PCDH7: variants seen among roughly 807,000 people sequenced by gnomAD.
The protein encoded by PCDH7 is protocadherin 7.
Under a neutral mutation model 58.9 loss-of-function variants are expected in PCDH7, and 17 were observed. That is an observed-to-expected ratio of 0.29 (90% CI 0.20 to 0.43). PCDH7 has a LOEUF of 0.43. Ranked by LOEUF, PCDH7 falls within the 20% of genes least tolerant of loss-of-function variation. PCDH7 has a pLI of 1.00. For synonymous variants in PCDH7, 664 were observed against 616.4 expected (o/e 1.08, Z -1.14); for missense variants, 1,274 against 1,441.0 (o/e 0.88, Z 1.88).
rs183423845 is a variant in PCDH7 at position 30,984,993 on chromosome 4, G to T, written c.*7+34778G>T. On this transcript the variant is annotated intron_variant, in intron 3 of 3. Transcript: ENST00000509759. ...TGTTGTTGTTGTTGTTTTGGACAGA[G>T]TCTTGCTCCGTCGCCCAGACTGGAG... Among the ~76,000 whole-genome samples, 79 of 152,220 alleles carry T rather than the reference G, an allele frequency of 5.2e-4. 1 individual carries two copies. The highest frequency in any genetic ancestry group is 2.1e-3 in the South Asian group (10 of 4,818).
At chr4:31,056,505 G>GAAAGAAAGAA (rs1229121564) in intron 3 of PCDH7, among the ~76,000 whole-genome samples, 1 of 115,120 alleles carries the variant, frequency 8.7e-6, no homozygotes, top group Non-Finnish European at 1.8e-5. Flanking sequence ...AAGAAAGAAA[G>GAAAGAAAGAA]AAAGAAAGAA....
intron 1 of PCDH7, among the ~76,000 whole-genome samples, chr4:30,772,439 A>G (rs1721538443): frequency 6.6e-6 from 1 of 152,136 alleles, no homozygotes; most frequent in African/African-American, 2.4e-5. Flanking sequence ...TTTCTTTTCT[A>G]GAGGTAAAGC....
chr4:30,969,039 C>G (rs932785864), intron 3 of PCDH7, among the ~76,000 whole-genome samples: 1 of 152,122 alleles, frequency 6.6e-6, no homozygotes, highest in African/African-American at 2.4e-5. Context: ...TACTCTCGGT[C>G]AGAGAATATT....
intron 1 of PCDH7, among the ~76,000 whole-genome samples, chr4:30,747,837 A>G (rs1717972495): frequency 6.6e-6 from 1 of 152,210 alleles, no homozygotes; most frequent in Admixed American, 6.5e-5. Flanking sequence ...GACATTCCCA[A>G]AATTTGATAA....
chr4:31,101,331 A>G (rs1714865210), intron 3 of PCDH7, among the ~76,000 whole-genome samples: 1 of 152,186 alleles, frequency 6.6e-6, no homozygotes, highest in Non-Finnish European at 1.5e-5. Context: ...TTCTGTATCT[A>G]AAGTGGTATT....
chr4:30,784,154 G>A (rs544732140), intron 1 of PCDH7, among the ~76,000 whole-genome samples: 5 of 152,264 alleles, frequency 3.3e-5, no homozygotes, highest in African/African-American at 1.2e-4. Context: ...TTAATTAGCT[G>A]ATTCAAATCA....
chr4:31,105,506 C>G (rs1715443083), intron 3 of PCDH7, among the ~76,000 whole-genome samples: 1 of 151,910 alleles, frequency 6.6e-6, no homozygotes, highest in Non-Finnish European at 1.5e-5. Flanking sequence ...GGCTCTATAC[C>G]CTGGAGGTGC....
chr4:30,928,160 G>T (rs1744127969), intron 2 of PCDH7, among the ~76,000 whole-genome samples: 1 of 152,000 alleles, frequency 6.6e-6, no homozygotes, highest in Non-Finnish European at 1.5e-5. Flanking sequence ...CCTGGAATCA[G>T]GGGATCCTTC....
intron 3 of PCDH7, among the ~76,000 whole-genome samples, chr4:31,115,888 A>G (rs1446321314): frequency 6.6e-6 from 1 of 152,196 alleles, no homozygotes; most frequent in Non-Finnish European, 1.5e-5. Context: ...AACAGATAAG[A>G]AAAACCTCCA....
At chr4:31,102,646 C>T (rs561131171) in intron 3 of PCDH7, among the ~76,000 whole-genome samples, 69 of 149,320 alleles carry the variant, frequency 4.6e-4, no homozygotes, top group Non-Finnish European at 9.0e-4. Flanking sequence ...GCATTCCAGC[C>T]TGGGTGACAA....
At chr4:30,874,003 A>G (rs980498724) in intron 1 of PCDH7, among the ~76,000 whole-genome samples, 2 of 152,118 alleles carry the variant, frequency 1.3e-5, no homozygotes, top group Non-Finnish European at 2.9e-5. Flanking sequence ...TTAATTTTTA[A>G]ATAGTGAAAT....
At chr4:30,842,354 C>G (rs1057100957) in intron 1 of PCDH7, among the ~76,000 whole-genome samples, 2 of 152,088 alleles carry the variant, frequency 1.3e-5, no homozygotes, top group East Asian at 3.9e-4. Flanking sequence ...ATCATTTTCT[C>G]TGGGGTTCAT....
intron 2 of PCDH7, among the ~76,000 whole-genome samples, chr4:30,947,433 C>T (rs911480828): frequency 5.3e-5 from 8 of 152,204 alleles, no homozygotes; most frequent in African/African-American, 1.9e-4. Flanking sequence ...TAACTCATAT[C>T]GTTGTCCATA....
At chr4:31,028,395 A>G (rs1754619483) in intron 3 of PCDH7, among the ~76,000 whole-genome samples, 1 of 152,150 alleles carries the variant, frequency 6.6e-6, no homozygotes, top group South Asian at 2.1e-4. Flanking sequence ...AAATTACCCA[A>G]ATTGTAGTAC....
chr4:31,084,584 G>T (rs907043419), intron 3 of PCDH7, among the ~76,000 whole-genome samples: 1 of 149,318 alleles, frequency 6.7e-6, no homozygotes, highest in South Asian at 2.1e-4. Context: ...GGCTCAGGGG[G>T]CTTATAGGGA....
chr4:31,042,925 G>A (rs753851200), intron 3 of PCDH7, among the ~76,000 whole-genome samples: 7 of 152,034 alleles, frequency 4.6e-5, no homozygotes, highest in East Asian at 1.9e-4. Flanking sequence ...CTGGTGAGGG[G>A]CCTTTTGCTG....
chr4:30,921,871 A>G (rs895130313), intron 2 of PCDH7, among the ~76,000 whole-genome samples: 1 of 151,682 alleles, frequency 6.6e-6, no homozygotes, highest in African/African-American at 2.4e-5. Context: ...CATACATACT[A>G]TGTAATTACA....
chr4:31,117,709 G>GA (rs1717169042), intron 3 of PCDH7, among the ~76,000 whole-genome samples: 2 of 151,962 alleles, frequency 1.3e-5, no homozygotes, highest in South Asian at 2.1e-4. Context: ...AATTTACAAG[G>GA]AAAAAACCAT....
At chr4:31,145,441 T>C (rs1720614768), downstream of PCDH7, 1 of 151,850 alleles carries the variant, frequency 6.6e-6, no homozygotes, top group Non-Finnish European at 1.5e-5. Context: ...ACTCCATATA[T>C]AGAGTGCTTT....
Sources: gnomAD v4.1 joint callset for allele counts (sites outside exome capture counted in the v4.1 genomes callset) on GRCh38, gnomAD v4.1.1 for gene constraint, MANE v1.5 for transcripts, NCBI Gene and HGNC (gene_info 2026-07-23, HGNC 2026-07-21) for gene names.